The following MYH16 variants were observed in gnomAD, a reference collection of about 807,000 sequenced individuals.
The protein encoded by MYH16 is myosin heavy chain 16.
chr7:99,252,201 C>G (rs768066817), intron 6 of MYH16, among the ~76,000 whole-genome samples: 2 of 152,106 alleles, frequency 1.3e-5, no homozygotes, highest in Non-Finnish European at 2.9e-5. Context: ...ACCAGTGCAG[C>G]TGTCTGGCGG....
chr7:99,275,221 C>T (rs1203371379), intron 20 of MYH16, among the ~76,000 whole-genome samples: 3 of 152,056 alleles, frequency 2.0e-5, no homozygotes, highest in Non-Finnish European at 4.4e-5. Context: ...TGGTCTCAAA[C>T]TCCTGGCCTC....
chr7:99,296,475 G>A (rs889085585), intron 33 of MYH16, among the ~76,000 whole-genome samples: 1 of 152,024 alleles, frequency 6.6e-6, no homozygotes, highest in African/African-American at 2.4e-5. Context: ...GAATGTCCCA[G>A]GCCACACATC....
At chr7:99,246,404 A>C (rs1791730658) in intron 2 of MYH16, among the ~76,000 whole-genome samples, 2 of 150,874 alleles carry the variant, frequency 1.3e-5, no homozygotes, top group Non-Finnish European at 1.5e-5. Context: ...AAAGCAAGAT[A>C]TAAAACAGTA....
exon 12 of MYH16, chr7:99,260,212 C>G: frequency 6.2e-7 from 1 of 1,610,850 alleles, no homozygotes. Flanking sequence ...CGAGAAGCTG[C>G]AGCAGTTCTT....
chr7:99,258,191 G>A (rs904487160), exon 11 of MYH16: 5 of 152,732 alleles, frequency 3.3e-5, no homozygotes, highest in East Asian at 1.9e-4. Context: ...ACCAGGCCCC[G>A]AGTCAAAGTT....
chr7:99,298,602 T>C (rs1236100302), intron 36 of MYH16, among the ~76,000 whole-genome samples: 2 of 152,232 alleles, frequency 1.3e-5, no homozygotes, highest in Non-Finnish European at 2.9e-5. Flanking sequence ...ATGTGGTTAC[T>C]GGCTGTTTGT....
intron 25 of MYH16, 112 bp from the exon 8 acceptor site, chr7:99,284,733 G>A (rs66674233): frequency 0.048 from 20,323 of 419,496 alleles, 814 homozygotes; most frequent in African/African-American, 0.15. Flanking sequence ...TGGGAGGTAC[G>A]TGCTTTTCGG....
At chr7:99,302,317 T>TATATACACACACAC (rs1184408879) in intron 38 of MYH16, among the ~76,000 whole-genome samples, 22 of 95,568 alleles carry the variant, frequency 2.3e-4, no homozygotes, top group African/African-American at 9.7e-4. Context: ...AAAAAATATA[T>TATATACACACACAC]ACACACACAC....
intron 21 of MYH16, among the ~76,000 whole-genome samples, 166 bp downstream of exon 3, chr7:99,277,878 C>CGTGT (rs61634087): frequency 0.038 from 4,622 of 121,534 alleles, 109 homozygotes; most frequent in Middle Eastern, 0.11. Context: ...CCATCCAATT[C>CGTGT]GTGTGTGTGT....
At chr7:99,285,517 G>A (rs576165468) in intron 27 of MYH16, 79 bp downstream of exon 9, 75 of 448,908 alleles carry the variant, frequency 1.7e-4, no homozygotes, top group Middle Eastern at 1.0e-3. Context: ...AGAAACCTCC[G>A]CTAAGGAAAC....
At chr7:99,273,508 G>A (rs909536233) in intron 20 of MYH16, 85 bp downstream of exon 2, 4 of 438,026 alleles carry the variant, frequency 9.1e-6, no homozygotes, top group East Asian at 7.1e-5. Flanking sequence ...GATGCCCCTC[G>A]GGAGTGAGAG....
chr7:99,298,636 C>A (rs1187469850), intron 36 of MYH16, among the ~76,000 whole-genome samples: 1 of 152,184 alleles, frequency 6.6e-6, no homozygotes, highest in Admixed American at 6.5e-5. Context: ...AAAGTCTGTT[C>A]TTTGCCCCTT....
chr7:99,271,135 C>T (rs1177393500), intron 19 of MYH16: 1 of 152,656 alleles, frequency 6.6e-6, no homozygotes, highest in East Asian at 1.9e-4. Context: ...AGAGGAGCCA[C>T]ACGCACTCAG....
chr7:99,294,214 G>T, intron 33 of MYH16, 64 bp downstream of exon 14: 1 of 415,492 alleles, frequency 2.4e-6, no homozygotes, highest in Non-Finnish European at 4.8e-6. Context: ...GCAGGGCTAG[G>T]GCAAGGCTGT....
At chr7:99,263,020 G>A (rs183751355) in intron 13 of MYH16, among the ~76,000 whole-genome samples, 18 of 152,324 alleles carry the variant, frequency 1.2e-4, no homozygotes, top group East Asian at 9.6e-4. Flanking sequence ...GCAAGAGAAG[G>A]TCACACAGCC....
intron 18 of MYH16, among the ~76,000 whole-genome samples, chr7:99,267,428 C>T (rs1428581484): frequency 1.3e-5 from 2 of 152,148 alleles, no homozygotes; most frequent in African/African-American, 4.8e-5. Flanking sequence ...TGGGGTCTCA[C>T]TCTGTTGCCC....
exon 22 of MYH16, chr7:99,279,682 A>G: frequency 2.2e-6 from 1 of 456,562 alleles, no homozygotes; most frequent in South Asian, 1.5e-5. Flanking sequence ...AGCGACCTGA[A>G]GCGGGACCTA....
exon 34 of MYH16, chr7:99,296,702 C>T: frequency 2.2e-6 from 1 of 455,452 alleles, no homozygotes; most frequent in Admixed American, 2.3e-5. Context: ...TTTCCCTAGG[C>T]CAATGCTGCA....
At chr7:99,266,816 G>A (rs1485834820) in intron 17 of MYH16, 1 of 152,634 alleles carries the variant, frequency 6.6e-6, no homozygotes, top group Non-Finnish European at 1.5e-5. Flanking sequence ...TGTCAGCTTG[G>A]GCACAGTGAT....
Sources: gnomAD v4.1 joint callset for allele counts (sites outside exome capture counted in the v4.1 genomes callset) on GRCh38, gnomAD v4.1.1 for gene constraint, MANE v1.5 for transcripts, NCBI Gene and HGNC (gene_info 2026-07-23, HGNC 2026-07-21) for gene names.